ROBO2: variants seen among roughly 807,000 people sequenced by gnomAD.
The protein encoded by ROBO2 is roundabout homolog 2.
Under a neutral mutation model 160.8 loss-of-function variants are expected in ROBO2, and 53 were observed. The observed-to-expected ratio is 0.33, with a 90% CI of 0.26 to 0.41. ROBO2 has a LOEUF of 0.41. ROBO2 is among the 10% of genes least tolerant of loss of function. ROBO2 has a pLI of 1.00. For missense variants in ROBO2, 1,577 were observed against 1,722.4 expected (o/e 0.92, Z 1.49); for synonymous variants, 664 against 611.7 (o/e 1.09, Z -1.26).
chr3:76,527,729 A>G (rs997483463), intron 2 of ROBO2, among the ~76,000 whole-genome samples: 1 of 152,174 alleles, frequency 6.6e-6, no homozygotes, highest in African/African-American at 2.4e-5. Context: ...AACATATAGC[A>G]CATTATATAA....
chr3:77,246,616 A>G (rs2089762097), intron 2 of ROBO2, among the ~76,000 whole-genome samples: 1 of 152,172 alleles, frequency 6.6e-6, no homozygotes, highest in Non-Finnish European at 1.5e-5. Context: ...AGCATGCTCC[A>G]GGGACTGTGA....
chr3:77,271,302 C>G (rs1560393141), intron 2 of ROBO2, among the ~76,000 whole-genome samples: 1 of 152,044 alleles, frequency 6.6e-6, no homozygotes. Flanking sequence ...TATAAAATTC[C>G]TATATTTGGA....
intron 2 of ROBO2, among the ~76,000 whole-genome samples, chr3:76,594,252 A>C (rs948528584): frequency 6.6e-6 from 1 of 152,050 alleles, no homozygotes; most frequent in African/African-American, 2.4e-5. Context: ...GTTTCTCTCT[A>C]TTCCTAACCT....
At chr3:76,715,699 T>G (rs1324873670) in intron 2 of ROBO2, among the ~76,000 whole-genome samples, 3 of 152,178 alleles carry the variant, frequency 2.0e-5, no homozygotes, top group Admixed American at 2.0e-4. Flanking sequence ...CTATAATTAT[T>G]GGCATTTGTG....
Position 77,579,991 on chromosome 3 carries a change from T to G in ROBO2, c.2373T>G (p.Thr791=), listed in dbSNP as rs202151263. 3.6e-5 allele frequency: 58 copies of G among 1,613,712 alleles called. No individual in the cohort carries two copies. The African/African-American group carries it at 6.4e-4, about 18-fold the overall frequency. Residue 791 remains threonine, a synonymous_variant, in exon 16 of 26, where the codon ACT becomes ACG. Coordinates refer to ENST00000461745, the Ensembl canonical transcript of ROBO2. ...AAACGCGATTCCATATCAACAAAAC[T>G]GTGGATGCAGCCATTCGGTCCGTAA...
At chr3:76,066,485 A>G (rs2068258645) in intron 2 of ROBO2, among the ~76,000 whole-genome samples, 1 of 152,150 alleles carries the variant, frequency 6.6e-6, no homozygotes, top group South Asian at 2.1e-4. Context: ...TAAGAATAAT[A>G]CCATAGACAT....
At chr3:76,538,059 A>T (rs2082607838) in intron 2 of ROBO2, among the ~76,000 whole-genome samples, 1 of 151,976 alleles carries the variant, frequency 6.6e-6, no homozygotes, top group South Asian at 2.1e-4. Context: ...CGGCTGCTCC[A>T]GATTTCGTGG....
intron 2 of ROBO2, among the ~76,000 whole-genome samples, chr3:76,116,431 T>G (rs975251247): frequency 1.3e-5 from 2 of 152,158 alleles, no homozygotes; most frequent in African/African-American, 4.8e-5. Context: ...CTGCATGTAA[T>G]TCTATTGAAT....
At chr3:77,505,480 C>G (rs2088355808) in intron 5 of ROBO2, among the ~76,000 whole-genome samples, 1 of 152,010 alleles carries the variant, frequency 6.6e-6, no homozygotes, top group Admixed American at 6.6e-5. Context: ...ATTATTCAGT[C>G]TCATCATTTT....
At chr3:76,053,473 A>G (rs1432999934) in intron 2 of ROBO2, among the ~76,000 whole-genome samples, 1 of 152,058 alleles carries the variant, frequency 6.6e-6, no homozygotes, top group Non-Finnish European at 1.5e-5. Flanking sequence ...ATAAGCAAAG[A>G]TTTGTTACAA....
At chr3:77,580,206 T>A (rs1338098909) in intron 16 of ROBO2, 88 bp downstream of exon 17, 2 of 1,184,142 alleles carry the variant, frequency 1.7e-6, no homozygotes, top group East Asian at 4.7e-5. Context: ...TAATAGTGAA[T>A]ATACACTTAT....
chr3:77,440,425 A>C (rs2079791958), intron 2 of ROBO2, among the ~76,000 whole-genome samples: 1 of 152,130 alleles, frequency 6.6e-6, no homozygotes. Context: ...TTTCCAAATA[A>C]ATGTAAAGAT....
At chr3:76,068,188 G>A (rs2107937779) in intron 2 of ROBO2, among the ~76,000 whole-genome samples, 1 of 152,214 alleles carries the variant, frequency 6.6e-6, no homozygotes, top group South Asian at 2.1e-4. Flanking sequence ...AGGTAGAGAG[G>A]CCTGCAGGTG....
chr3:77,216,601 A>G (rs936640767), intron 2 of ROBO2, among the ~76,000 whole-genome samples: 4 of 152,116 alleles, frequency 2.6e-5, no homozygotes, highest in Non-Finnish European at 5.9e-5. Context: ...ACTGTCCGAC[A>G]TTCCCCAGTG....
At chr3:77,144,499 A>G (rs540969631) in intron 2 of ROBO2, among the ~76,000 whole-genome samples, 1 of 152,364 alleles carries the variant, frequency 6.6e-6, no homozygotes, top group Admixed American at 6.5e-5. Flanking sequence ...TCTTAAAATA[A>G]TACATTTTGA....
At chr3:76,028,752 C>T (rs1333264290) in intron 2 of ROBO2, among the ~76,000 whole-genome samples, 2 of 151,880 alleles carry the variant, frequency 1.3e-5, no homozygotes, top group African/African-American at 4.8e-5. Context: ...CTGTCAAAAC[C>T]ATGAAGTCTC....
chr3:77,130,897 T>C (rs2075796366), intron 2 of ROBO2, among the ~76,000 whole-genome samples: 1 of 152,220 alleles, frequency 6.6e-6, no homozygotes, highest in Non-Finnish European at 1.5e-5. Context: ...TTTGATACAC[T>C]GACAGTATGG....
intron 2 of ROBO2, among the ~76,000 whole-genome samples, chr3:76,950,344 C>T (rs980490496): frequency 2.0e-5 from 3 of 152,132 alleles, no homozygotes; most frequent in Admixed American, 6.5e-5. Context: ...TAACAGAACA[C>T]GATTAATCTT....
intron 2 of ROBO2, among the ~76,000 whole-genome samples, chr3:77,186,712 T>A (rs2081317767): frequency 6.6e-6 from 1 of 151,972 alleles, no homozygotes; most frequent in Non-Finnish European, 1.5e-5. Context: ...AACTGAGATT[T>A]TTTTTTGAGA....
Sources: allele counts gnomAD v4.1 joint callset (sites outside exome capture counted in the v4.1 genomes callset), GRCh38; gene constraint gnomAD v4.1.1; transcripts MANE v1.5; gene names NCBI Gene and HGNC (gene_info 2026-07-23, HGNC 2026-07-21).